The following FBXW8 variants were observed in gnomAD, a reference collection of about 807,000 sequenced individuals.
The protein encoded by FBXW8 is F-box/WD repeat-containing protein 8.
FBXW8 carries 57 observed loss-of-function variants against 65.3 expected under a neutral mutation model. That is an observed-to-expected ratio of 0.87 (90% CI 0.71 to 1.09). The LOEUF (loss-of-function observed/expected upper bound fraction) is 1.09, where lower values mean the gene tolerates loss of function less well. Among genes scored for constraint, FBXW8 ranks in the 50% least tolerant of loss-of-function variants. The pLI, the probability that FBXW8 is intolerant of heterozygous loss-of-function variation, is 0.00. For missense variants in FBXW8, 777 were observed against 814.8 expected (o/e 0.95, Z 0.57); for synonymous variants, 308 against 330.2 (o/e 0.93, Z 0.73).
At chr12:116,994,744 T>C (rs1443470389) in intron 7 of FBXW8, among the ~76,000 whole-genome samples, 1 of 152,242 alleles carries the variant, frequency 6.6e-6, no homozygotes, top group Non-Finnish European at 1.5e-5. Context: ...CTTTATAATA[T>C]TACACTTTGT....
rs111410748 is a variant in FBXW8, at chr12:116,937,700, G to A, written c.424-7664G>A. Among the ~76,000 whole-genome samples, 459 of 151,718 alleles carry A rather than the reference G, an allele frequency of 3.0e-3. 3 individuals are homozygous for A. Among genetic ancestry groups the A allele is most frequent in the African/African-American group, 0.011 (436 of 41,118 alleles). On this transcript the variant is annotated intron_variant, in intron 2 of 10. Transcript: ENST00000652555. ...TGGAGAGAGAGGAAACTGAGACAGT[G>A]AGTGCATAGAGAGCTGTCTCTATGT... is the stretch of plus-strand genomic sequence containing the variant.
At chr12:116,958,515 A>G (rs1420062395) in intron 4 of FBXW8, among the ~76,000 whole-genome samples, 1 of 152,212 alleles carries the variant, frequency 6.6e-6, no homozygotes, top group Non-Finnish European at 1.5e-5. Context: ...AGATTCATTC[A>G]TTCCGTCAAC....
chr12:116,968,382 T>C (rs1261768231), intron 5 of FBXW8, among the ~76,000 whole-genome samples: 2 of 152,308 alleles, frequency 1.3e-5, no homozygotes, highest in African/African-American at 4.8e-5. Context: ...AAACAAAAGA[T>C]AGCATACTAT....
At position 116,945,456 on chromosome 12, in the gene FBXW8, T is replaced by C; in HGVS notation, c.516T>C (p.Ser172=). ...QEGHLPDSSI[S]DYSCWKLIFQ... Reference sequence around the variant, plus strand: ...GGCACCTTCCGGATAGCAGCATCTCTGACTATTCTTGCTGGAAGCTCATCT... The same window carrying C: ...GGCACCTTCCGGATAGCAGCATCTCCGACTATTCTTGCTGGAAGCTCATCT... Residue 172 remains serine, a synonymous_variant, in exon 3 of 11, where the codon TCT becomes TCC. Coordinates refer to ENST00000652555, the MANE Select transcript of FBXW8 (RefSeq NM_153348.3). The C allele has an allele frequency of 6.2e-7, 1 of 1,614,192 alleles. No individual in the cohort carries two copies. The highest frequency in any genetic ancestry group is 8.5e-7 in the Non-Finnish European group (1 of 1,180,030).
At chr12:116,941,228 G>A (rs2137335759) in intron 2 of FBXW8, among the ~76,000 whole-genome samples, 1 of 152,284 alleles carries the variant, frequency 6.6e-6, no homozygotes, top group South Asian at 2.1e-4. Flanking sequence ...GGATGCAGTG[G>A]GGTGCCTTCT....
intron 1 of FBXW8, among the ~76,000 whole-genome samples, chr12:116,916,627 GT>G (rs1880432887): frequency 6.6e-6 from 1 of 152,162 alleles, no homozygotes; most frequent in Non-Finnish European, 1.5e-5. Flanking sequence ...GCTGGGCATG[GT>G]GGCACATGCC....
intron 7 of FBXW8, among the ~76,000 whole-genome samples, chr12:116,999,810 A>G (rs1468806496): frequency 6.6e-6 from 1 of 152,158 alleles, no homozygotes; most frequent in East Asian, 1.9e-4. Context: ...AATGTGCCAC[A>G]TTCATTCCTG....
At chr12:116,933,808 A>G (rs1881957101) in intron 2 of FBXW8, among the ~76,000 whole-genome samples, 1 of 152,200 alleles carries the variant, frequency 6.6e-6, no homozygotes, top group South Asian at 2.1e-4. Flanking sequence ...CAAAGTAATA[A>G]AAATAAGTAG....
At chr12:116,957,472 A>T (rs138802315) in intron 4 of FBXW8, among the ~76,000 whole-genome samples, 3 of 152,356 alleles carry the variant, frequency 2.0e-5, no homozygotes, top group South Asian at 4.1e-4. Context: ...CGGGAACTGA[A>T]GCCCTCAAGG....
In FBXW8 at chr12:117,016,908, T is replaced by G. The variant is rs996189444; in HGVS notation, c.1367+6458T>G. 2.0e-5 allele frequency among the ~76,000 whole-genome samples: 3 copies of G among 152,220 alleles called. No individual in the cohort carries two copies. The East Asian group carries it at 5.8e-4, about 29-fold the overall frequency. ...AAGACAATTCTCTCCCCCATTCAAT[T>G]GTCTTGGCACCACTGTTGAAAATCA... On this transcript the variant is annotated intron_variant, in intron 8 of 10. Transcript: ENST00000652555.
At chr12:116,986,434 C>G (rs971001584) in intron 6 of FBXW8, 3 of 152,258 alleles carry the variant, frequency 2.0e-5, no homozygotes, top group Non-Finnish European at 4.4e-5. Context: ...CGAGACCATC[C>G]TGGCTAACAC....
At chr12:117,005,843 A>G (rs1444123995) in intron 7 of FBXW8, among the ~76,000 whole-genome samples, 1 of 152,216 alleles carries the variant, frequency 6.6e-6, no homozygotes, top group African/African-American at 2.4e-5. Flanking sequence ...GAGGCAGGTT[A>G]CTAGGGATCA....
At chr12:116,942,319 CT>C (rs1026272650) in intron 2 of FBXW8, among the ~76,000 whole-genome samples, 10 of 149,612 alleles carry the variant, frequency 6.7e-5, no homozygotes, top group African/African-American at 2.0e-4. Flanking sequence ...TTCCTTTATT[CT>C]TTTTTTTCCC....
chr12:116,926,938 T>C (rs930601378), intron 1 of FBXW8, among the ~76,000 whole-genome samples: 1 of 151,968 alleles, frequency 6.6e-6, no homozygotes, highest in African/African-American at 2.4e-5. Flanking sequence ...AACATTGAGG[T>C]GATTTTTTTT....
Position 117,010,414 on chromosome 12 carries a change from C to T in FBXW8, c.1331C>T (p.Pro444Leu). The part of the protein sequence containing the change: ...DFTCVNLSDS[P>L]PNLMVSGNMD... ...ACGTGTGTCAACCTCAGCGACAGCC[C>T]TCCCAACCTCATGGTCAGTGGCAAC... is the stretch of plus-strand genomic sequence containing the variant. Residue 444 changes from proline to leucine, a missense_variant, in exon 8 of 11, where the codon CCT becomes CTT. Physicochemically the swap from Pro to Leu is moderately conservative, Grantham distance 98. Coordinates refer to ENST00000652555, the MANE Select transcript of FBXW8 (RefSeq NM_153348.3). The T allele has an allele frequency of 6.2e-7, 1 of 1,614,232 alleles. No homozygotes were observed. The highest frequency in any genetic ancestry group is 8.5e-7 in the Non-Finnish European group (1 of 1,180,038).
chr12:117,024,126 G>A (rs202007140), intron 8 of FBXW8, 21 bp from the exon 9 acceptor site: 235 of 1,606,846 alleles, frequency 1.5e-4, no homozygotes, highest in Admixed American at 3.5e-4. Flanking sequence ...TCCCTTCTCT[G>A]CTCTTCCTGG....
chr12:117,003,713 T>C (rs1565937013), intron 7 of FBXW8, among the ~76,000 whole-genome samples: 1 of 152,244 alleles, frequency 6.6e-6, no homozygotes, highest in Non-Finnish European at 1.5e-5. Flanking sequence ...GCTAGTCTTT[T>C]ACAGTTCTAG....
At chr12:116,946,495 C>T (rs1189575758) in intron 3 of FBXW8, among the ~76,000 whole-genome samples, 1 of 152,078 alleles carries the variant, frequency 6.6e-6, no homozygotes, top group African/African-American at 2.4e-5. Flanking sequence ...GTATCTCTGG[C>T]CTCTCCCCAT....
chr12:116,929,972 T>C (rs996532420), intron 2 of FBXW8, among the ~76,000 whole-genome samples: 3 of 152,238 alleles, frequency 2.0e-5, no homozygotes, highest in African/African-American at 7.2e-5. Context: ...CTTAACATAA[T>C]GCCCTCTAGG....
Sources: allele counts gnomAD v4.1 joint callset (sites outside exome capture counted in the v4.1 genomes callset), GRCh38; gene constraint gnomAD v4.1.1; transcripts MANE v1.5; gene names NCBI Gene and HGNC (gene_info 2026-07-23, HGNC 2026-07-21).